Variants in RORA observed in about 807,000 individuals in gnomAD.
The protein encoded by RORA is RAR related orphan receptor A, also known as nuclear receptor ROR-alpha.
RORA carries 7 observed loss-of-function variants against 69.5 expected under a neutral mutation model. That is an observed-to-expected ratio of 0.10 (90% confidence interval 0.06 to 0.19). The LOEUF is 0.19. Among genes scored for constraint, RORA ranks in the 10% least tolerant of loss-of-function variants. The pLI is 1.00. For missense variants in RORA, 457 were observed against 663.0 expected (o/e 0.69, Z 3.41); for synonymous variants, 261 against 240.8 (o/e 1.08, Z -0.78).
intron 2 of RORA, among the ~76,000 whole-genome samples, chr15:60,611,149 C>T (rs17237304): frequency 0.05 from 7,670 of 152,206 alleles, 262 homozygotes; most frequent in East Asian, 0.14. Context: ...GCTCAATTAT[C>T]TTCACTCTGC....
At chr15:60,998,373 T>TGCCCAGGCTTCACCATGTA (rs1894630857) in intron 1 of RORA, among the ~76,000 whole-genome samples, 1 of 150,570 alleles carries the variant, frequency 6.6e-6, no homozygotes, top group Non-Finnish European at 1.5e-5. Context: ...CTCACCATGT[T>TGCCCAGGCTTCACCATGTA]GCCCAGGCTT....
intron 1 of RORA, among the ~76,000 whole-genome samples, chr15:60,710,786 C>T (rs1449709473): frequency 6.6e-6 from 1 of 152,178 alleles, no homozygotes; most frequent in African/African-American, 2.4e-5. Flanking sequence ...AAAAGCAGGG[C>T]TCTGCTTACT....
rs1048460562 is a variant in RORA at position 61,228,981 on chromosome 15, C to G, written c.166+72G>C. 12 of 841,194 alleles carry G rather than the reference C, an allele frequency of 1.4e-5. No homozygotes were observed. The East Asian group carries it at 9.6e-4, about 67-fold the overall frequency. 52.1% of individuals were successfully genotyped at this position (841,194 alleles called of 1,614,324 possible). ...CGCCGGACCCCGCGCCCCGGGCGCC[C>G]GCTCCCGGCCGCCCCCCGCTCCGCG... On this transcript the variant is annotated intron_variant, in intron 1 of 10. Transcript: ENST00000335670.
At chr15:61,143,137 C>T (rs1357876270) in intron 1 of RORA, among the ~76,000 whole-genome samples, 1 of 151,986 alleles carries the variant, frequency 6.6e-6, no homozygotes, top group Non-Finnish European at 1.5e-5. Context: ...GGAGAGAAGG[C>T]AGATGCTTAT....
At chr15:60,870,880 CT>C (rs1856885286) in intron 1 of RORA, among the ~76,000 whole-genome samples, 1 of 152,180 alleles carries the variant, frequency 6.6e-6, no homozygotes, top group Non-Finnish European at 1.5e-5. Flanking sequence ...TCCTATTGTT[CT>C]TTTCCAAGAC....
chr15:60,641,099 G>T (rs997506379), intron 2 of RORA, among the ~76,000 whole-genome samples: 30 of 152,092 alleles, frequency 2.0e-4, no homozygotes, highest in African/African-American at 7.2e-4. Flanking sequence ...CTACAGGTGT[G>T]TACAACCATG....
At chr15:60,861,684 T>C (rs368796343) in intron 1 of RORA, among the ~76,000 whole-genome samples, 11 of 152,270 alleles carry the variant, frequency 7.2e-5, no homozygotes, top group African/African-American at 2.6e-4. Flanking sequence ...TAATAAATAC[T>C]CTTTAAAAAT....
intron 1 of RORA, among the ~76,000 whole-genome samples, chr15:61,207,196 T>C (rs549030642): frequency 6.6e-6 from 1 of 152,232 alleles, no homozygotes; most frequent in East Asian, 1.9e-4. Context: ...CCAACCTTTC[T>C]GAAATTTATA....
chr15:61,229,017 C>G, intron 1 of RORA, 36 bp downstream of exon 1: 1 of 1,257,298 alleles, frequency 8.0e-7, no homozygotes, highest in East Asian at 3.7e-5. Flanking sequence ...CCCGGGCTCC[C>G]GCCGCCCCCT....
In RORA at chr15:60,737,909, G is replaced by A. The variant is rs563346584; in HGVS notation, c.167-59223C>T. Among the ~76,000 whole-genome samples, 11 of 152,324 alleles carry A rather than the reference G, an allele frequency of 7.2e-5. No individual in the cohort carries two copies. In the South Asian group the frequency reaches 1.5e-3, roughly 20 times the overall value. On this transcript the variant is annotated intron_variant, in intron 1 of 10. Coordinates refer to ENST00000335670, the MANE Select transcript of RORA (RefSeq NM_134261.3). ...TCTAGCAGAGACTTCGGTGACAGCC[G>A]TCCACTTTTATGGATTTTAACTGAG...
chr15:60,578,952 ATGGGGTT>A (rs1198022309), intron 2 of RORA, among the ~76,000 whole-genome samples: 4 of 150,724 alleles, frequency 2.7e-5, no homozygotes, highest in Non-Finnish European at 5.9e-5. Flanking sequence ...TTCAGTAGGG[ATGGGGTT>A]TCACCATGTT....
chr15:61,124,115 C>T (rs1363098703), intron 1 of RORA, among the ~76,000 whole-genome samples: 3 of 152,212 alleles, frequency 2.0e-5, no homozygotes, highest in South Asian at 4.1e-4. Context: ...AGCAGATTTC[C>T]CTTGCTGCTT....
intron 1 of RORA, among the ~76,000 whole-genome samples, chr15:61,069,254 T>C (rs1420858449): frequency 6.6e-6 from 1 of 152,190 alleles, no homozygotes; most frequent in African/African-American, 2.4e-5. Context: ...ATAAATAAAC[T>C]AGTTGATCAC....
chr15:61,149,688 G>A lies in RORA; in HGVS notation c.166+79365C>T, dbSNP rs148028059. Reference sequence around the variant, plus strand: ...GAGCTCCAGGTAGCCACAACAGAACGGAAAGCACTATTCTGGAATAGCTAT... The same window carrying A: ...GAGCTCCAGGTAGCCACAACAGAACAGAAAGCACTATTCTGGAATAGCTAT... On this transcript the variant is annotated intron_variant, in intron 1 of 10. Coordinates refer to ENST00000335670, the MANE Select transcript of RORA (RefSeq NM_134261.3). 3.4e-3 allele frequency among the ~76,000 whole-genome samples: 519 copies of A among 152,132 alleles called. 5 individuals carry two copies. The highest frequency in any genetic ancestry group is 0.012 in the African/African-American group (501 of 41,490).
intron 1 of RORA, among the ~76,000 whole-genome samples, chr15:60,837,599 A>G (rs1001616333): frequency 6.6e-6 from 1 of 152,308 alleles, no homozygotes; most frequent in East Asian, 1.9e-4. Flanking sequence ...TTTGGAGTGT[A>G]GGGGCGCACC....
At chr15:60,640,451 G>A (rs147111099) in intron 2 of RORA, among the ~76,000 whole-genome samples, 1 of 152,074 alleles carries the variant, frequency 6.6e-6, no homozygotes, top group East Asian at 1.9e-4. Flanking sequence ...GGCAGAGAGG[G>A]CATTTTAAAA....
intron 2 of RORA, among the ~76,000 whole-genome samples, chr15:60,600,592 A>AT (rs1230859326): frequency 2.6e-5 from 4 of 152,284 alleles, no homozygotes; most frequent in East Asian, 1.9e-4. Flanking sequence ...AGATTTGGGT[A>AT]TTTTTTGTTT....
intron 1 of RORA, among the ~76,000 whole-genome samples, chr15:61,130,887 G>A (rs1168792857): frequency 2.6e-5 from 4 of 152,268 alleles, no homozygotes; most frequent in South Asian, 4.2e-4. Flanking sequence ...AAGAAGAGAA[G>A]GTGAGCATCT....
At chr15:61,137,778 T>TG (rs1271733291) in intron 1 of RORA, among the ~76,000 whole-genome samples, 2 of 152,264 alleles carry the variant, frequency 1.3e-5, no homozygotes, top group Admixed American at 6.5e-5. Context: ...TTACACATTT[T>TG]ATGCATTAAA....
Sources: allele counts gnomAD v4.1 joint callset (sites outside exome capture counted in the v4.1 genomes callset), GRCh38; gene constraint gnomAD v4.1.1; transcripts MANE v1.5; gene names NCBI Gene and HGNC (gene_info 2026-07-23, HGNC 2026-07-21).